GDAP2: variants seen among roughly 807,000 people sequenced by gnomAD.
GDAP2 encodes the protein ganglioside-induced differentiation-associated protein 2.
A neutral mutation model predicts 67.0 loss-of-function variants in GDAP2; 51 were observed. The observed-to-expected ratio is 0.76, with a 90% CI of 0.61 to 0.96. The LOEUF (loss-of-function observed/expected upper bound fraction) is 0.96, where lower values mean the gene tolerates loss of function less well. GDAP2 is among the 40% of genes least tolerant of loss of function. The pLI is 0.00. For missense variants in GDAP2, 547 were observed against 588.3 expected (o/e 0.93, Z 0.73); for synonymous variants, 203 against 207.3 (o/e 0.98, Z 0.18).
chr1:117,877,705 T>C (rs1648511261), intron 13 of GDAP2: 1 of 1,072,010 alleles, frequency 9.3e-7, no homozygotes, highest in Non-Finnish European at 1.1e-6. Flanking sequence ...CTTAAGAAAA[T>C]TAGGCAGAGG....
At chr1:117,910,807 G>C (rs1570988504) in intron 5 of GDAP2, among the ~76,000 whole-genome samples, 1 of 152,164 alleles carries the variant, frequency 6.6e-6, no homozygotes, top group Non-Finnish European at 1.5e-5. Flanking sequence ...CTTCAAGTGG[G>C]ACCAACATTT....
chr1:117,926,839 T>G (rs1287318337), intron 1 of GDAP2, among the ~76,000 whole-genome samples: 1 of 152,150 alleles, frequency 6.6e-6, no homozygotes, highest in Non-Finnish European at 1.5e-5. Flanking sequence ...GCAAACAGAT[T>G]GCTTAAGTGA....
chr1:117,927,258 G>A (rs546495649), intron 1 of GDAP2, among the ~76,000 whole-genome samples: 2 of 151,822 alleles, frequency 1.3e-5, no homozygotes, highest in African/African-American at 4.8e-5. Flanking sequence ...TTTAGTTTAA[G>A]AAGTCCTTTA....
chr1:117,893,313 T>C (rs576866991), intron 8 of GDAP2, among the ~76,000 whole-genome samples: 8 of 152,280 alleles, frequency 5.3e-5, no homozygotes, highest in African/African-American at 1.7e-4. Context: ...AGTAAACCAA[T>C]GTCTACCTTA....
In GDAP2 at chr1:117,899,081, T is replaced by C; in HGVS notation, c.772A>G (p.Ser258Gly). Residue 258 changes from serine to glycine, a missense_variant, in exon 7 of 14, where the codon AGT becomes GGT. Transcript: ENST00000369443. ...CCTTCTGGAGCACCAGGTTTCTCAC[T>C]TATTCTAATCTGTCGTTCAGGTACC... The part of the protein sequence containing the change: ...PVVPERQIRI[S>G]EKPGAPEDNQ... 6.2e-7 allele frequency: 1 copy of C among 1,613,760 alleles called. No homozygotes were observed. Among genetic ancestry groups the C allele is most frequent in the Non-Finnish European group, 8.5e-7 (1 of 1,179,686 alleles).
At chr1:117,890,527 C>T (rs1649037184) in intron 8 of GDAP2, among the ~76,000 whole-genome samples, 1 of 152,010 alleles carries the variant, frequency 6.6e-6, no homozygotes, top group Admixed American at 6.6e-5. Context: ...ACTCGCATAA[C>T]TGGTATATGC....
intron 13 of GDAP2, among the ~76,000 whole-genome samples, chr1:117,873,966 C>T (rs888496168): frequency 1.3e-5 from 2 of 152,222 alleles, no homozygotes; most frequent in South Asian, 2.1e-4. Context: ...ACCCTTCCCT[C>T]TCTAGTCATT....
chr1:117,912,019 TA>T lies in GDAP2; in HGVS notation c.533del (p.Leu178Ter). The T allele has an allele frequency of 6.3e-7, 1 of 1,598,920 alleles. No homozygotes were observed. Among genetic ancestry groups the T allele is most frequent in the Non-Finnish European group, 8.6e-7 (1 of 1,166,306 alleles). ...VINSAKRGYP[L>X]EDATHIALRT... is the part of the protein sequence containing the mutation. ...GAAGTGCTATGTGTGTTGCATCCTC[TA>T]AAGGATAACCACGTTTTGCAGAATT... is the stretch of plus-strand genomic sequence containing the variant. On this transcript the variant is annotated frameshift_variant, in exon 5 of 14. Coordinates refer to ENST00000369443, the MANE Select transcript of GDAP2 (RefSeq NM_017686.4). LOFTEE classifies it high-confidence loss of function.
chr1:117,923,533 T>A (rs1015597377), intron 1 of GDAP2, among the ~76,000 whole-genome samples: 16 of 152,312 alleles, frequency 1.1e-4, no homozygotes, highest in Admixed American at 8.5e-4. Flanking sequence ...ATTAATGGGT[T>A]TGGTAAGTTG....
chr1:117,928,610 G>A (rs1295127347), intron 1 of GDAP2, among the ~76,000 whole-genome samples: 1 of 152,258 alleles, frequency 6.6e-6, no homozygotes, highest in East Asian at 1.9e-4. Context: ...CTCATCATAC[G>A]CATTCTTTGC....
At chr1:117,912,391 T>G in intron 4 of GDAP2, 139 bp downstream of exon 4, 1 of 663,332 alleles carries the variant, frequency 1.5e-6, no homozygotes. Context: ...GTCAGGGTCC[T>G]CCTAAATCAC....
chr1:117,922,533 G>A (rs760959390), intron 1 of GDAP2, among the ~76,000 whole-genome samples: 13 of 152,174 alleles, frequency 8.5e-5, no homozygotes, highest in Non-Finnish European at 1.8e-4. Flanking sequence ...AGTGTTGGCC[G>A]GTCTGAGAAA....
At chr1:117,881,061 T>C (rs1456123416) in intron 12 of GDAP2, among the ~76,000 whole-genome samples, 2 of 152,126 alleles carry the variant, frequency 1.3e-5, no homozygotes, top group Non-Finnish European at 2.9e-5. Flanking sequence ...GACGGTTTCT[T>C]TGAGTGAAGA....
chr1:117,883,985 A>G (rs1004007292), intron 10 of GDAP2, among the ~76,000 whole-genome samples: 1 of 152,182 alleles, frequency 6.6e-6, no homozygotes, highest in Non-Finnish European at 1.5e-5. Context: ...TGATATCGAA[A>G]TCATTAGAAG....
chr1:117,869,640 T>A lies in GDAP2; in HGVS notation c.*929A>T, dbSNP rs1180485958. The A allele has an allele frequency of 6.6e-6, 1 of 152,652 alleles. No individual in the cohort carries two copies. Among genetic ancestry groups the A allele is most frequent in the African/African-American group, 2.4e-5 (1 of 41,458 alleles). The allele number at this position is 152,652 out of a possible 1,614,324, so 9.5% of individuals were successfully genotyped here. ...GGTCTTTTGCCAATTATCAGCTCCC[T>A]GGATTTGTTCACTGTGACACACTTC... On this transcript the variant is annotated 3_prime_UTR_variant, in exon 14 of 14. Transcript: ENST00000369443.
Position 117,896,590 on chromosome 1 carries a change from G to C in GDAP2, c.953+243C>G. On this transcript the variant is annotated intron_variant, in intron 8 of 13. Transcript: ENST00000369443. Reference sequence around the variant, plus strand: ...ATTACTATTGTAGTAGACAGGGTAGGAGCTCTGAAATCAGACATGTATCTG... The same window carrying C: ...ATTACTATTGTAGTAGACAGGGTAGCAGCTCTGAAATCAGACATGTATCTG... 8.7e-6 allele frequency: 3 copies of C among 344,474 alleles called. No homozygotes were observed. In the East Asian group the frequency reaches 1.4e-4, roughly 16 times the overall value. The allele number at this position is 344,474 out of a possible 1,614,324, so 21.3% of individuals were successfully genotyped here.
intron 13 of GDAP2, among the ~76,000 whole-genome samples, chr1:117,871,351 A>G (rs998212626): frequency 2.0e-5 from 3 of 152,206 alleles, no homozygotes; most frequent in Non-Finnish European, 4.4e-5. Flanking sequence ...AAGACAGTTA[A>G]GTTTATGATA....
intron 1 of GDAP2, among the ~76,000 whole-genome samples, chr1:117,926,948 A>T (rs1243718651): frequency 6.6e-6 from 1 of 152,074 alleles, no homozygotes; most frequent in Non-Finnish European, 1.5e-5. Context: ...ACTGAAAATC[A>T]GTTGATCAGC....
intron 6 of GDAP2, among the ~76,000 whole-genome samples, chr1:117,899,854 C>A (rs1319307912): frequency 6.6e-6 from 1 of 151,892 alleles, no homozygotes; most frequent in Non-Finnish European, 1.5e-5. Flanking sequence ...TTTCTCATTA[C>A]CTAGAATTAC....
Sources: allele counts gnomAD v4.1 joint callset (sites outside exome capture counted in the v4.1 genomes callset), GRCh38; gene constraint gnomAD v4.1.1; transcripts MANE v1.5; gene names NCBI Gene and HGNC (gene_info 2026-07-23, HGNC 2026-07-21).